Variants in PCDHGA3 observed in about 807,000 individuals in gnomAD.
The protein encoded by PCDHGA3 is protocadherin gamma subfamily A, 3, also known as protocadherin gamma-A3.
Under a neutral mutation model 58.5 loss-of-function variants are expected in PCDHGA3, and 40 were observed. The ratio of observed to expected loss-of-function variants is 0.68; its 90% CI spans 0.53 to 0.89. The LOEUF (loss-of-function observed/expected upper bound fraction) is 0.89, where lower values mean the gene tolerates loss of function less well. Ranked by LOEUF, PCDHGA3 falls within the 40% of genes least tolerant of loss-of-function variation. The pLI, the probability that PCDHGA3 is intolerant of heterozygous loss-of-function variation, is 0.00. For missense variants in PCDHGA3, 1,223 were observed against 1,195.9 expected, an observed-to-expected ratio of 1.02 and a Z score of -0.33; for synonymous variants, 530 against 525.7, an observed-to-expected ratio of 1.01 and a Z score of -0.11.
chr5:141,398,711 C>T, intron 1 of PCDHGA3: 2 of 1,613,822 alleles, frequency 1.2e-6, no homozygotes, highest in South Asian at 1.1e-5. Context: ...CCGGAACTGG[C>T]ACTGGAGAAA....
chr5:141,375,428 C>T, intron 1 of PCDHGA3: 1 of 1,613,984 alleles, frequency 6.2e-7, no homozygotes, highest in Non-Finnish European at 8.5e-7. Flanking sequence ...CAACGACAAC[C>T]CGCCCACCTT....
intron 1 of PCDHGA3, chr5:141,385,402 T>A: frequency 6.7e-7 from 1 of 1,488,784 alleles, no homozygotes; most frequent in Non-Finnish European, 8.9e-7. Context: ...AACAAATGTT[T>A]TGAAAATAGG....
chr5:141,410,589 A>G (rs2095410065), intron 1 of PCDHGA3: 1 of 1,609,086 alleles, frequency 6.2e-7, no homozygotes, highest in Non-Finnish European at 8.5e-7. Flanking sequence ...GGTGGGGAGG[A>G]TTTGACTTCA....
chr5:141,427,193 C>T (rs1427995075), intron 1 of PCDHGA3: 1 of 456,496 alleles, frequency 2.2e-6, no homozygotes, highest in Admixed American at 2.4e-5. Context: ...AATCCAAAGA[C>T]TTAATAGACT....
intron 1 of PCDHGA3, chr5:141,372,011 G>C (rs759270061): frequency 6.2e-7 from 1 of 1,613,176 alleles, no homozygotes; most frequent in Non-Finnish European, 8.5e-7. Context: ...ACCAGGGCTC[G>C]CCTACGCTCA....
At chr5:141,403,003 C>T in intron 1 of PCDHGA3, 3 of 1,613,970 alleles carry the variant, frequency 1.9e-6, no homozygotes, top group South Asian at 1.1e-5. Flanking sequence ...TCCTGCTATG[C>T]TCGCTCCTGG....
chr5:141,467,095 C>G (rs930625426), intron 1 of PCDHGA3, among the ~76,000 whole-genome samples: 2 of 150,094 alleles, frequency 1.3e-5, no homozygotes, highest in African/African-American at 4.9e-5. Context: ...CTCTGTCACA[C>G]AGGCTGGAGT....
rs1780458671 is a variant in PCDHGA3 at position 141,384,757 on chromosome 5, G to C, written c.2424+38300G>C. Reference sequence around the variant, plus strand: ...CAGCGAGCCAGGACTCTTTGCGGTTGGGCTGTACACGGGCGAGGTGCGCAC... The same window carrying C: ...CAGCGAGCCAGGACTCTTTGCGGTTCGGCTGTACACGGGCGAGGTGCGCAC... On this transcript the variant is annotated intron_variant, in intron 1 of 3. Transcript: ENST00000253812. 7 of 1,613,872 alleles carry C rather than the reference G, an allele frequency of 4.3e-6. No individual in the cohort carries two copies. The East Asian group carries it at 1.6e-4, about 36-fold the overall frequency.
At chr5:141,362,345 C>T (rs776739300) in intron 1 of PCDHGA3, 2 of 1,614,068 alleles carry the variant, frequency 1.2e-6, no homozygotes, top group South Asian at 2.2e-5. Flanking sequence ...AAGCCTGGAC[C>T]TGGGGTTCTC....
At chr5:141,374,277 G>T in intron 1 of PCDHGA3, 2 of 1,613,958 alleles carry the variant, frequency 1.2e-6, no homozygotes, top group African/African-American at 1.3e-5. Context: ...CACGGAGTCC[G>T]CATCGTCTCC....
chr5:141,364,832 C>G lies in PCDHGA3; in HGVS notation c.2424+18375C>G, dbSNP rs538468873. On this transcript the variant is annotated intron_variant, in intron 1 of 3. Coordinates refer to ENST00000253812, the MANE Select transcript of PCDHGA3 (RefSeq NM_018916.4). ...TGCGGATGTGGGTGTGAACTCTCTCCGGAGTTACCAGCTCAGCTCCAATCT... is the reference window on the plus strand; with the variant it reads ...TGCGGATGTGGGTGTGAACTCTCTCGGGAGTTACCAGCTCAGCTCCAATCT... The G allele has an allele frequency of 5.0e-6, 8 of 1,614,012 alleles. No individual in the cohort carries two copies. The African/African-American group carries it at 5.3e-5, about 11-fold the overall frequency.
intron 1 of PCDHGA3, among the ~76,000 whole-genome samples, chr5:141,463,489 C>T (rs1190438683): frequency 7.2e-6 from 1 of 138,270 alleles, no homozygotes; most frequent in African/African-American, 2.8e-5. Context: ...CGCTCTGTCA[C>T]CCAGGCTGGA....
intron 1 of PCDHGA3, among the ~76,000 whole-genome samples, chr5:141,449,840 T>C (rs1367482819): frequency 6.6e-6 from 1 of 151,692 alleles, no homozygotes; most frequent in Non-Finnish European, 1.5e-5. Context: ...TTTTATATAA[T>C]TAAATTTTAA....
chr5:141,435,603 T>C (rs1195458514), intron 1 of PCDHGA3, among the ~76,000 whole-genome samples: 1 of 152,218 alleles, frequency 6.6e-6, no homozygotes, highest in African/African-American at 2.4e-5. Flanking sequence ...GCCTGCTTTT[T>C]ACATTAAATT....
At chr5:141,353,702 T>C (rs937146856) in intron 1 of PCDHGA3, among the ~76,000 whole-genome samples, 10 of 152,372 alleles carry the variant, frequency 6.6e-5, no homozygotes, top group Middle Eastern at 3.4e-3. Flanking sequence ...TCCATACTTC[T>C]TGTTTCTTTA....
chr5:141,384,184 A>C (rs1179495803), intron 1 of PCDHGA3: 2 of 1,613,640 alleles, frequency 1.2e-6, no homozygotes, highest in Non-Finnish European at 1.7e-6. Flanking sequence ...AGATGGTGGA[A>C]CTCCTCCCTT....
At chr5:141,424,525 A>G (rs1010194490) in intron 1 of PCDHGA3, 2 of 152,196 alleles carry the variant, frequency 1.3e-5, no homozygotes, top group Non-Finnish European at 2.9e-5. Context: ...TAGTAAATCC[A>G]TATATAGAAA....
At position 141,403,188 on chromosome 5, in the gene PCDHGA3, C is replaced by T. The variant is rs763950254; in HGVS notation, c.2424+56731C>T. ...AGGACGCAGCTTTTCTCTCTGAACCCGCGCAGCGGCACCTTGGTCACCGCG... is the reference window on the plus strand; with the variant it reads ...AGGACGCAGCTTTTCTCTCTGAACCTGCGCAGCGGCACCTTGGTCACCGCG... On this transcript the variant is annotated intron_variant, in intron 1 of 3. Coordinates refer to ENST00000253812, the MANE Select transcript of PCDHGA3 (RefSeq NM_018916.4). 5 of 1,613,850 alleles carry T rather than the reference C, an allele frequency of 3.1e-6. No individual in the cohort carries two copies. The African/African-American group carries it at 4.0e-5, about 13-fold the overall frequency.
chr5:141,484,219 C>T (rs766309865), intron 1 of PCDHGA3, among the ~76,000 whole-genome samples: 1 of 152,162 alleles, frequency 6.6e-6, no homozygotes, highest in Non-Finnish European at 1.5e-5. Context: ...TAGCATTCTG[C>T]CAGGTAAAGA....
Sources: allele counts gnomAD v4.1 joint callset (sites outside exome capture counted in the v4.1 genomes callset), GRCh38; gene constraint gnomAD v4.1.1; transcripts MANE v1.5; gene names NCBI Gene and HGNC (gene_info 2026-07-23, HGNC 2026-07-21).